Variants in C1QTNF5 observed in about 807,000 individuals in gnomAD.
The protein encoded by C1QTNF5 is complement C1q tumor necrosis factor-related protein 5.
In C1QTNF5, 5 loss-of-function variants were observed where a neutral mutation model predicts 10.9. That is an observed-to-expected ratio of 0.46 (90% CI 0.24 to 0.97). The LOEUF (loss-of-function observed/expected upper bound fraction) is 0.97. Ranked by LOEUF, C1QTNF5 falls within the 50% of genes least tolerant of loss-of-function variation. C1QTNF5 has a pLI of 0.19. For synonymous variants in C1QTNF5, 161 were observed against 156.5 expected (o/e 1.03, Z -0.22); for missense variants, 281 against 339.4 (o/e 0.83, Z 1.35).
At chr11:119,346,145 C>T in the C1QTNF5 span, 6 of 1,595,572 alleles carry the variant, frequency 3.8e-6, no homozygotes, top group Admixed American at 1.8e-5. Context: ...GGCCGTAGCC[C>T]TCGAGGACGC....
chr11:119,341,205 A>G (rs1354537411), upstream of C1QTNF5: 2 of 350,842 alleles, frequency 5.7e-6, no homozygotes, highest in East Asian at 6.2e-5. Context: ...ATAGATGCTC[A>G]GTACATTTTT....
chr11:119,343,770 G>A (rs760062859), upstream of C1QTNF5: 5 of 1,611,932 alleles, frequency 3.1e-6, no homozygotes, highest in Middle Eastern at 3.3e-4. Context: ...GGGGGTGGCA[G>A]ACAGTGAGGA....
Position 119,339,852 on chromosome 11 carries a change from C to T in C1QTNF5, c.215-4G>A, listed in dbSNP as rs376239020. 6.1e-6 allele frequency: 9 copies of T among 1,467,184 alleles called. No individual in the cohort carries two copies. Among genetic ancestry groups the T allele is most frequent in the Middle Eastern group, 2.4e-4 (1 of 4,196 alleles). 90.9% of individuals were successfully genotyped at this position (1,467,184 alleles called of 1,614,324 possible). On this transcript the variant is annotated splice_region_variant and splice_polypyrimidine_tract_variant and intron_variant, in intron 2 of 2. Transcript: ENST00000528368. The surrounding 1 kb of genome is among the most constrained non-coding windows in gnomAD (Gnocchi z 5.4). ...TCCCCTCGAGGTCCCGGCAGTCCTG[C>T]GGGGTAAGCGGGGCGGCAGGGTGAG...
At chr11:119,345,330 G>A (rs770344130), upstream of C1QTNF5, 71 of 1,342,116 alleles carry the variant, frequency 5.3e-5, no homozygotes, top group Admixed American at 1.2e-4. Context: ...TTTCTTCCTC[G>A]GTTAGCCCTT....
At chr11:119,346,257 C>T in the C1QTNF5 span, 1 of 1,601,592 alleles carries the variant, frequency 6.2e-7, no homozygotes, top group Non-Finnish European at 8.5e-7. Flanking sequence ...CCAGGTCACC[C>T]CCTGGGATGG....
upstream of C1QTNF5, chr11:119,343,964 G>A: frequency 6.2e-7 from 1 of 1,612,372 alleles, no homozygotes; most frequent in African/African-American, 1.3e-5. Flanking sequence ...CAGGTGCAGA[G>A]CTGGGGGAGG....
chr11:119,343,128 G>C (rs751045509), upstream of C1QTNF5: 10 of 1,227,500 alleles, frequency 8.1e-6, no homozygotes, highest in Admixed American at 2.0e-5. Context: ...GAAGACACAG[G>C]GTTAGGGTCT....
chr11:119,341,994 T>C, upstream of C1QTNF5: 1 of 1,612,654 alleles, frequency 6.2e-7, no homozygotes, highest in Non-Finnish European at 8.5e-7. Flanking sequence ...TCTGCAGGGG[T>C]GGAGGGGAGG....
At chr11:119,345,094 CA>C, upstream of C1QTNF5, 1 of 1,512,722 alleles carries the variant, frequency 6.6e-7, no homozygotes, top group Non-Finnish European at 9.0e-7. Flanking sequence ...CCTATTTTCT[CA>C]ACCCCCAAAC....
At chr11:119,344,056 G>C (rs1489920214), upstream of C1QTNF5, 4 of 1,515,024 alleles carry the variant, frequency 2.6e-6, no homozygotes, top group South Asian at 1.1e-5. Flanking sequence ...CTGCTGGCTG[G>C]GGGGATGGGG....
At chr11:119,346,098 G>A in the C1QTNF5 span, 20 of 1,608,610 alleles carry the variant, frequency 1.2e-5, no homozygotes, top group Non-Finnish European at 1.6e-5. Context: ...GCAGGCTGGA[G>A]AGCAGGAGGA....
At position 119,339,676 on chromosome 11, in the gene C1QTNF5, C is replaced by T. The variant is rs755515253; in HGVS notation, c.387G>A (p.Leu129=). 6.2e-7 allele frequency: 1 copy of T among 1,610,976 alleles called. No individual in the cohort carries two copies. The highest frequency in any genetic ancestry group is 2.2e-5 in the East Asian group (1 of 44,880). Residue 129 remains leucine, a synonymous_variant, in exon 3 of 3, where the codon CTG becomes CTA. Coordinates refer to ENST00000528368, the MANE Select transcript of C1QTNF5 (RefSeq NM_001278431.2). The surrounding 1 kb of genome is among the most constrained non-coding windows in gnomAD (Gnocchi z 5.4). Reference sequence around the variant, plus strand: ...CGTCGTAATGTCCCTGCTCGTTCACCAGCACGCGGTCGAAGGGCAAGGGTG... The same window carrying T: ...CGTCGTAATGTCCCTGCTCGTTCACTAGCACGCGGTCGAAGGGCAAGGGTG... ...SDAPLPFDRV[L]VNEQGHYDAV...
Position 119,339,332 on chromosome 11 carries a change from T to C in C1QTNF5, c.731A>G (p.Ter244TrpextTer36). The C allele has an allele frequency of 6.2e-7, 1 of 1,612,416 alleles. No homozygotes were observed. Among genetic ancestry groups the C allele is most frequent in the South Asian group, 1.1e-5 (1 of 90,924 alleles). The stretch of plus-strand genomic sequence containing the variant: ...CATGAGCTCACTTTGCAGTGGGCAC[T>C]AAGCAAAGACTGGGGAGCTGTGCCA... ...SDWHSSPVFA[*>W] The change falls in exon 3 of 3, where the codon TAG becomes TGG. Residue 244 changes from the stop codon to tryptophan (W), a stop_lost. Coordinates refer to ENST00000528368, the MANE Select transcript of C1QTNF5 (RefSeq NM_001278431.2). The surrounding 1 kb of genome is among the most constrained non-coding windows in gnomAD (Gnocchi z 5.4).
At position 119,340,683 on chromosome 11, in the gene C1QTNF5, C is replaced by T. The variant is rs1188120659; in HGVS notation, c.-44+12G>A. ...CCTCCCCAGCCCCTTTCCCCTCCTC[C>T]GCCAGACTCACCCCCCCTCCCGGCT... On this transcript the variant is annotated intron_variant, in intron 1 of 2. Transcript: ENST00000528368. 49 of 464,948 alleles carry T rather than the reference C, an allele frequency of 1.1e-4. 1 individual carries two copies. The highest frequency in any genetic ancestry group is 9.2e-4 in the South Asian group (36 of 38,932). 28.8% of individuals were successfully genotyped at this position (464,948 alleles called of 1,614,324 possible). A position where few individuals can be genotyped will look rare whatever the true frequency, so the allele number is the denominator to read the frequency against.
At chr11:119,343,096 C>T (rs1302303982), upstream of C1QTNF5, 4 of 1,467,588 alleles carry the variant, frequency 2.7e-6, no homozygotes, top group African/African-American at 1.4e-5. Flanking sequence ...GCTGGGAGCC[C>T]TGGATGATGC....
Position 119,339,108 on chromosome 11 carries a change from C to T in C1QTNF5, c.*223G>A. 1.7e-6 allele frequency: 1 copy of T among 593,186 alleles called. No individual in the cohort carries two copies. The highest frequency in any genetic ancestry group is 3.0e-5 in the Admixed American group (1 of 32,864). 36.7% of individuals were successfully genotyped at this position (593,186 alleles called of 1,614,324 possible). ...TTACACTTGCCAGCACAGCACACTC[C>T]TCTGGTCTTGGGCAGAAATCCAGCC... On this transcript the variant is annotated 3_prime_UTR_variant, in exon 3 of 3. Transcript: ENST00000528368. This position sits in a 1 kb window ranked among gnomAD's most constrained non-coding sequence, Gnocchi z 5.4.
the C1QTNF5 span, chr11:119,346,441 G>C: frequency 6.2e-7 from 1 of 1,613,816 alleles, no homozygotes; most frequent in Non-Finnish European, 8.5e-7. Context: ...TTAGGAGCAC[G>C]ATTCTATGTG....
In C1QTNF5 at chr11:119,339,016, C is replaced by T; in HGVS notation, c.*315G>A. ...GGAGCAGGAGGGGGTGGGGAGGATC[C>T]AGAGAAGCAGAGGACCAGGAAGAGA... On this transcript the variant is annotated 3_prime_UTR_variant, in exon 3 of 3. Coordinates refer to ENST00000528368, the MANE Select transcript of C1QTNF5 (RefSeq NM_001278431.2). The surrounding 1 kb of genome is among the most constrained non-coding windows in gnomAD (Gnocchi z 5.4). 3.3e-6 allele frequency: 1 copy of T among 307,130 alleles called. No homozygotes were observed. Among genetic ancestry groups the T allele is most frequent in the Non-Finnish European group, 6.1e-6 (1 of 165,044 alleles). 19.0% of individuals were successfully genotyped at this position (307,130 alleles called of 1,614,324 possible).
upstream of C1QTNF5, chr11:119,341,847 C>T: frequency 6.2e-7 from 1 of 1,613,906 alleles, no homozygotes; most frequent in Non-Finnish European, 8.5e-7. Context: ...CTTCCCTCCA[C>T]CCAGAAGACC....
Sources: gnomAD v4.1 joint callset for allele counts on GRCh38, gnomAD v4.1.1 for gene constraint, Gnocchi (gnomAD v3.1) non-coding constraint, MANE v1.5 for transcripts, NCBI Gene and HGNC (gene_info 2026-07-23, HGNC 2026-07-21) for gene names.